FYB2: variants seen among roughly 807,000 people sequenced by gnomAD.
FYB2 encodes FYN-binding protein 2.
In FYB2, 103 loss-of-function variants were observed where a neutral mutation model predicts 94.1. The ratio of observed to expected loss-of-function variants is 1.09; its 90% confidence interval spans 0.93 to 1.29. The LOEUF (loss-of-function observed/expected upper bound fraction) is 1.29, where lower values mean the gene tolerates loss of function less well. Ranked by LOEUF, FYB2 falls within the 50% of genes most tolerant of loss-of-function variation. The pLI, the probability that FYB2 is intolerant of heterozygous loss-of-function variation, is 0.00. For missense variants in FYB2, 896 were observed against 841.5 expected (o/e 1.06, Z -0.80); for synonymous variants, 293 against 287.9 (o/e 1.02, Z -0.18).
chr1:56,820,180 G>A (rs766947555), upstream of FYB2, among the ~76,000 whole-genome samples: 1 of 148,268 alleles, frequency 6.7e-6, no homozygotes, highest in Non-Finnish European at 1.5e-5. Context: ...GCAGTGAGCC[G>A]AGATCATGCC....
At chr1:56,780,001 A>C (rs1645970668) in intron 4 of FYB2, among the ~76,000 whole-genome samples, 1 of 152,118 alleles carries the variant, frequency 6.6e-6, no homozygotes, top group South Asian at 2.1e-4. Context: ...ACTAATACTA[A>C]TAATAATATT....
Position 56,792,597 on chromosome 1 carries a change from C to T in FYB2, c.216G>A (p.Gln72=). 1 of 1,614,054 alleles carries T rather than the reference C, an allele frequency of 6.2e-7. No individual in the cohort carries two copies. The highest frequency in any genetic ancestry group is 8.5e-7 in the Non-Finnish European group (1 of 1,180,004). The change falls in exon 2 of 20, where the codon CAG becomes CAA. Residue 72 remains glutamine (Q), a synonymous_variant. Coordinates refer to ENST00000343433, the MANE Select transcript of FYB2 (RefSeq NM_001004303.5). ...ACTTTATTTTCTGAGGTTGAAGAGG[C>T]TGGGACTCACTACTGGAACAGTATG... ...RTPYCSSSES[Q]PLQPQKIKLA... is the part of the protein sequence containing the mutation.
intron 16 of FYB2, 85 bp downstream of exon 16, chr1:56,726,412 T>G: frequency 8.0e-7 from 1 of 1,246,322 alleles, no homozygotes; most frequent in Non-Finnish European, 1.1e-6. Flanking sequence ...GAATCAAATT[T>G]CATTACTTAT....
intron 4 of FYB2, among the ~76,000 whole-genome samples, chr1:56,771,255 A>G (rs1645747523): frequency 6.6e-6 from 1 of 152,174 alleles, no homozygotes; most frequent in African/African-American, 2.4e-5. Flanking sequence ...ACAAATTGGG[A>G]TGTGTTCATA....
intron 1 of FYB2, among the ~76,000 whole-genome samples, chr1:56,817,743 A>T (rs1200553407): frequency 2.0e-5 from 3 of 152,226 alleles, no homozygotes; most frequent in Non-Finnish European, 1.5e-5. Flanking sequence ...CTCTCTGAGC[A>T]GTGAAAGTTA....
At chr1:56,822,334 A>G (rs1327294126), upstream of FYB2, among the ~76,000 whole-genome samples, 1 of 152,226 alleles carries the variant, frequency 6.6e-6, no homozygotes. Flanking sequence ...AGAAATACAG[A>G]ATCATAAACT....
Position 56,723,637 on chromosome 1 carries a change from T to G in FYB2, c.1925A>C (p.Glu642Ala), listed in dbSNP as rs1270683890. ...TTCTTCTCTTTTCATTCTGTTCTTT[T>G]CTAAGTTTTGCTTCTTGGTTTTGAA... The part of the protein sequence containing the change: ...NFFKTKKQNL[E>A]KNRMKREEKL... The change falls in exon 17 of 20, where the codon GAA (glutamate) becomes GCA (alanine). Residue 642 changes from glutamate (E) to alanine (A), a missense_variant. Glu to Ala is a moderately radical substitution (Grantham distance 107). Transcript: ENST00000343433. The G allele has an allele frequency of 1.0e-5, 16 of 1,573,556 alleles. No homozygotes were observed. Among genetic ancestry groups the G allele is most frequent in the Non-Finnish European group, 1.4e-5 (16 of 1,147,134 alleles).
intron 1 of FYB2, among the ~76,000 whole-genome samples, chr1:56,805,029 T>G (rs1646610788): frequency 6.6e-6 from 1 of 152,204 alleles, no homozygotes; most frequent in South Asian, 2.1e-4. Flanking sequence ...TGTATTCATC[T>G]TTTGAGATTT....
At chr1:56,751,236 G>A (rs773932246) in intron 8 of FYB2, 33 bp from the exon 9 acceptor site, 4 of 1,600,136 alleles carry the variant, frequency 2.5e-6, no homozygotes, top group Non-Finnish European at 3.4e-6. Context: ...ATACTGTAGG[G>A]CTGTGACTTA....
chr1:56,792,832 A>G, intron 1 of FYB2, 29 bp from the exon 2 acceptor site: 5 of 1,546,672 alleles, frequency 3.2e-6, no homozygotes, highest in Non-Finnish European at 4.4e-6. Flanking sequence ...AAACAAACAA[A>G]CAAAAACAAA....
rs140441022 is a variant in FYB2, at chr1:56,815,832, G to T, written c.9+3450C>A. On this transcript the variant is annotated intron_variant, in intron 1 of 19. Coordinates refer to ENST00000343433, the MANE Select transcript of FYB2 (RefSeq NM_001004303.5). ...TCAAGCACCATTTTGTAAGCTCCCT[G>T]ACTGGCCAGCTCTCCCAGCTCAAAA... Among the ~76,000 whole-genome samples the T allele has an allele frequency of 2.6e-5, 4 of 152,276 alleles. No individual in the cohort carries two copies. In the East Asian group the frequency reaches 7.7e-4, roughly 29 times the overall value.
chr1:56,824,193 A>G (rs1647010495), upstream of FYB2: 1 of 152,192 alleles, frequency 6.6e-6, no homozygotes, highest in Non-Finnish European at 1.5e-5. Context: ...TTAACTGTGT[A>G]ATTTGTAAAC....
chr1:56,727,310 AT>A (rs1468927978), intron 15 of FYB2, among the ~76,000 whole-genome samples: 1 of 152,062 alleles, frequency 6.6e-6, no homozygotes, highest in East Asian at 1.9e-4. Context: ...ATGAATTTGC[AT>A]TCCCTATAAT....
At chr1:56,808,791 A>G (rs531053876) in intron 1 of FYB2, among the ~76,000 whole-genome samples, 1 of 152,020 alleles carries the variant, frequency 6.6e-6, no homozygotes, top group Non-Finnish European at 1.5e-5. Flanking sequence ...GTTATATCTC[A>G]TCCCCATCTG....
intron 11 of FYB2, among the ~76,000 whole-genome samples, chr1:56,742,647 G>T (rs1644981544): frequency 6.6e-6 from 1 of 152,058 alleles, no homozygotes; most frequent in African/African-American, 2.4e-5. Context: ...CTTTGGCCTA[G>T]CCCAACACAT....
At chr1:56,723,444 AG>A in intron 17 of FYB2, 143 bp downstream of exon 17, 1 of 505,106 alleles carries the variant, frequency 2.0e-6, no homozygotes, top group Non-Finnish European at 3.5e-6. Flanking sequence ...AGGAAAAAAT[AG>A]GAATGAAATG....
At position 56,755,915 on chromosome 1, in the gene FYB2, A is replaced by T. The variant is rs1218447981; in HGVS notation, c.1111T>A (p.Phe371Ile). The T allele has an allele frequency of 6.2e-7, 1 of 1,609,340 alleles. No individual in the cohort carries two copies. Among genetic ancestry groups the T allele is most frequent in the Non-Finnish European group, 8.5e-7 (1 of 1,176,180 alleles). ...IEELQKPGKN[F>I]PYPEPSAKHE... ...ACTCACCTAGGTTCTGGATAGGGAA[A>T]ATTCTTCCCAGGCTGAAAGTAAAGT... Residue 371 changes from phenylalanine (F) to isoleucine (I), a missense_variant, in exon 7 of 20, where the codon TTT becomes ATT. Phe to Ile is a conservative substitution (Grantham distance 21). Transcript: ENST00000343433.
intron 7 of FYB2, 50 bp downstream of exon 7, chr1:56,755,846 A>G: frequency 1.3e-6 from 2 of 1,538,462 alleles, no homozygotes; most frequent in South Asian, 1.1e-5. Context: ...TTCAGTCATC[A>G]GAAAGTCAGT....
chr1:56,782,925 T>G lies in FYB2; in HGVS notation c.953+4250A>C, dbSNP rs538867293. ...TAATGAATAAAATATTAGCCAACTC[T>G]GCTAAGTACTGACAGAGACCAGTGC... On this transcript the variant is annotated intron_variant, in intron 4 of 19. Coordinates refer to ENST00000343433, the MANE Select transcript of FYB2 (RefSeq NM_001004303.5). 9.8e-5 allele frequency among the ~76,000 whole-genome samples: 15 copies of G among 152,290 alleles called. No homozygotes were observed. The South Asian group carries it at 3.1e-3, about 32-fold the overall frequency.
Sources: allele counts gnomAD v4.1 joint callset (sites outside exome capture counted in the v4.1 genomes callset), GRCh38; gene constraint gnomAD v4.1.1; transcripts MANE v1.5; gene names NCBI Gene and HGNC (gene_info 2026-07-23, HGNC 2026-07-21).